SUMF1: variants seen among roughly 807,000 people sequenced by gnomAD.
SUMF1 encodes the protein formylglycine-generating enzyme.
A neutral mutation model predicts 47.6 loss-of-function variants in SUMF1; 48 were observed. The observed-to-expected ratio is 1.01, with a 90% CI of 0.80 to 1.28. The LOEUF is 1.28. Among genes scored for constraint, SUMF1 ranks in the 50% most tolerant of loss-of-function variants. The pLI is 0.00. For synonymous variants in SUMF1, 230 were observed against 192.1 expected (o/e 1.20, Z -1.63); for missense variants, 571 against 485.4 (o/e 1.18, Z -1.66).
At chr3:4,079,076 G>T (rs895871062) in intron 8 of SUMF1, among the ~76,000 whole-genome samples, 2 of 151,980 alleles carry the variant, frequency 1.3e-5, no homozygotes, top group Non-Finnish European at 2.9e-5. Context: ...GCAGTTCTGC[G>T]TGAGTCGCCT....
intron 8 of SUMF1, among the ~76,000 whole-genome samples, chr3:4,291,496 C>T (rs1279677799): frequency 6.6e-6 from 1 of 152,052 alleles, no homozygotes; most frequent in Non-Finnish European, 1.5e-5. Flanking sequence ...ATAATTTATG[C>T]CTCACTTTGT....
intron 1 of SUMF1, among the ~76,000 whole-genome samples, chr3:4,464,308 C>T (rs1013873104): frequency 1.3e-5 from 2 of 151,892 alleles, no homozygotes; most frequent in African/African-American, 4.8e-5. Flanking sequence ...TCGACTTGTC[C>T]ATGAAGAATT....
intron 8 of SUMF1, among the ~76,000 whole-genome samples, chr3:4,099,630 G>T (rs1157980811): frequency 6.6e-6 from 1 of 152,068 alleles, no homozygotes; most frequent in African/African-American, 2.4e-5. Context: ...GCAAGAGAAA[G>T]AAATACAATG....
chr3:4,101,469 T>C (rs1215654834), intron 8 of SUMF1, among the ~76,000 whole-genome samples: 1 of 152,066 alleles, frequency 6.6e-6, no homozygotes, highest in Non-Finnish European at 1.5e-5. Context: ...GAGAGTAGAA[T>C]GGTGGTTACC....
At chr3:4,248,946 A>G (rs1480678606) in intron 8 of SUMF1, among the ~76,000 whole-genome samples, 1 of 152,164 alleles carries the variant, frequency 6.6e-6, no homozygotes, top group Non-Finnish European at 1.5e-5. Flanking sequence ...TCAAGAACAC[A>G]AACAGACCAC....
intron 8 of SUMF1, among the ~76,000 whole-genome samples, chr3:4,255,953 T>G (rs1411463887): frequency 7.9e-6 from 1 of 126,416 alleles, no homozygotes; most frequent in Non-Finnish European, 1.6e-5. Flanking sequence ...AACTCAGGAT[T>G]AAGAATGTCA....
chr3:4,443,713 C>A (rs1287009795), intron 3 of SUMF1, among the ~76,000 whole-genome samples: 2 of 151,728 alleles, frequency 1.3e-5, no homozygotes, highest in South Asian at 2.1e-4. Flanking sequence ...TGCAGTGAGC[C>A]AAGATCGTGC....
intron 8 of SUMF1, among the ~76,000 whole-genome samples, chr3:4,161,261 C>T (rs915987426): frequency 1.3e-5 from 2 of 152,168 alleles, no homozygotes; most frequent in African/African-American, 4.8e-5. Context: ...ACTGAAACTA[C>T]ACTGGGTCAG....
chr3:4,288,405 A>G (rs1173095907), intron 8 of SUMF1, among the ~76,000 whole-genome samples: 1 of 152,108 alleles, frequency 6.6e-6, no homozygotes, highest in Non-Finnish European at 1.5e-5. Flanking sequence ...GGATAGATGT[A>G]AAAGCATTCT....
At chr3:4,235,734 G>A (rs1696392889) in intron 8 of SUMF1, among the ~76,000 whole-genome samples, 1 of 151,966 alleles carries the variant, frequency 6.6e-6, no homozygotes, top group South Asian at 2.1e-4. Flanking sequence ...GTTGGGACAA[G>A]GAGTCAGGAA....
At chr3:4,087,322 A>C (rs1373070795) in intron 8 of SUMF1, among the ~76,000 whole-genome samples, 1 of 152,152 alleles carries the variant, frequency 6.6e-6, no homozygotes, top group African/African-American at 2.4e-5. Context: ...GTTACCATGC[A>C]GCATGCCTTC....
At chr3:4,325,672 T>C (rs1698929963) in intron 8 of SUMF1, among the ~76,000 whole-genome samples, 5 of 152,054 alleles carry the variant, frequency 3.3e-5, no homozygotes, top group Admixed American at 3.3e-4. Flanking sequence ...AATTTTAAGG[T>C]GTCTAAGTGC....
chr3:4,151,421 G>GTATATA (rs1373079470), intron 8 of SUMF1, among the ~76,000 whole-genome samples: 61 of 50,970 alleles, frequency 1.2e-3, no homozygotes, highest in African/African-American at 3.6e-3. Flanking sequence ...ATGTATATAT[G>GTATATA]TGTATACATG....
intron 8 of SUMF1, among the ~76,000 whole-genome samples, chr3:4,348,428 A>G (rs1699417430): frequency 6.6e-6 from 1 of 152,210 alleles, no homozygotes; most frequent in African/African-American, 2.4e-5. Flanking sequence ...GCAATAGGGA[A>G]AGGATTCCCT....
intron 8 of SUMF1, among the ~76,000 whole-genome samples, chr3:4,290,456 G>C (rs547633927): frequency 6.6e-6 from 1 of 152,226 alleles, no homozygotes; most frequent in East Asian, 1.9e-4. Flanking sequence ...AAAAGGATAG[G>C]GTTATCACAC....
chr3:4,326,522 G>GTTTTTGTTTTT (rs1553556928), intron 8 of SUMF1, among the ~76,000 whole-genome samples: 4 of 128,698 alleles, frequency 3.1e-5, no homozygotes, highest in African/African-American at 1.4e-4. Context: ...TTTTCCAAGG[G>GTTTTTGTTTTT]TTTTTTTTTT....
chr3:4,408,167 G>A (rs759216755), intron 7 of SUMF1, among the ~76,000 whole-genome samples: 6 of 152,152 alleles, frequency 3.9e-5, no homozygotes, highest in Admixed American at 1.3e-4. Flanking sequence ...AAGAACAACA[G>A]AAACAGATCA....
At chr3:4,263,909 T>C (rs981315480) in intron 8 of SUMF1, among the ~76,000 whole-genome samples, 18 of 152,180 alleles carry the variant, frequency 1.2e-4, no homozygotes, top group Non-Finnish European at 1.8e-4. Flanking sequence ...TATTGTTTCA[T>C]TGAGTGACAG....
chr3:4,066,915 G>C (rs1695390884), intron 9 of SUMF1, among the ~76,000 whole-genome samples: 1 of 152,054 alleles, frequency 6.6e-6, no homozygotes, highest in South Asian at 2.1e-4. Context: ...ACTATTCCTT[G>C]TTTGCCCTAT....
Sources: gnomAD v4.1 joint callset for allele counts (sites outside exome capture counted in the v4.1 genomes callset) on GRCh38, gnomAD v4.1.1 for gene constraint, MANE v1.5 for transcripts, NCBI Gene and HGNC (gene_info 2026-07-23, HGNC 2026-07-21) for gene names.